The following TUSC3 variants were observed in gnomAD, a reference collection of about 807,000 sequenced individuals.
TUSC3 encodes dolichyl-diphosphooligosaccharide--protein glycosyltransferase subunit TUSC3.
In TUSC3, 45 loss-of-function variants were observed where a neutral mutation model predicts 44.8. The observed-to-expected ratio is 1.00, with a 90% CI of 0.79 to 1.29. The LOEUF is 1.29. Among genes scored for constraint, TUSC3 ranks in the 50% most tolerant of loss-of-function variants. The probability of loss-of-function intolerance (pLI) is 0.00; values close to 1 mark genes in which losing one functional copy is unlikely to be tolerated. For missense variants in TUSC3, 519 were observed against 437.9 expected (o/e 1.19, Z -1.65); for synonymous variants, 212 against 152.9 (o/e 1.39, Z -2.85).
At chr8:15,560,712 CTTTT>C (rs973143470) in intron 1 of TUSC3, among the ~76,000 whole-genome samples, 1 of 114,392 alleles carries the variant, frequency 8.7e-6, no homozygotes. Context: ...TCTTTTTATT[CTTTT>C]TTCTCTAAAC....
At chr8:15,526,994 G>C (rs924748075) in intron 2 of TUSC3, among the ~76,000 whole-genome samples, 1 of 152,128 alleles carries the variant, frequency 6.6e-6, no homozygotes, top group Non-Finnish European at 1.5e-5. Context: ...TTCAAATTTT[G>C]TTGTGAATTC....
chr8:15,540,702 G>A (rs1055677593), intron 1 of TUSC3, 134 bp downstream of exon 1: 5 of 1,267,038 alleles, frequency 3.9e-6, no homozygotes, highest in Non-Finnish European at 4.2e-6. Flanking sequence ...GGCGGGAGCC[G>A]CGAGGGTGGG....
the TUSC3 span, chr8:15,806,768 T>C: frequency 1.3e-6 from 1 of 789,652 alleles, no homozygotes; most frequent in East Asian, 2.5e-5. Context: ...GCCACCTGCA[T>C]TCTGAATTCA....
At chr8:15,692,272 G>C (rs148364195) in intron 6 of TUSC3, among the ~76,000 whole-genome samples, 88 of 149,268 alleles carry the variant, frequency 5.9e-4, no homozygotes, top group African/African-American at 2.1e-3. Flanking sequence ...AAAAATATTG[G>C]CCTACTGTTT....
At chr8:15,716,497 C>G (rs1810065452) in intron 6 of TUSC3, among the ~76,000 whole-genome samples, 1 of 151,750 alleles carries the variant, frequency 6.6e-6, no homozygotes. Flanking sequence ...TTGATAAAAC[C>G]AATTTATGGG....
chr8:15,751,692 A>G (rs927011258), intron 9 of TUSC3, among the ~76,000 whole-genome samples: 11 of 132,144 alleles, frequency 8.3e-5, no homozygotes, highest in Non-Finnish European at 6.7e-5. Flanking sequence ...ACAAGTACCT[A>G]TAAAAGTTAA....
chr8:15,790,049 G>A, the TUSC3 span, among the ~76,000 whole-genome samples: 2 of 152,152 alleles, frequency 1.3e-5, no homozygotes, highest in East Asian at 1.9e-4. Context: ...GTTGGCAGCC[G>A]TATTTATACT....
intron 1 of TUSC3, among the ~76,000 whole-genome samples, chr8:15,434,120 A>G (rs1164680120): frequency 6.6e-6 from 1 of 152,180 alleles, no homozygotes. Context: ...GCTAATCCTT[A>G]GTATTATCAA....
intron 6 of TUSC3, among the ~76,000 whole-genome samples, chr8:15,705,278 G>C (rs1184856097): frequency 6.6e-6 from 1 of 151,042 alleles, no homozygotes; most frequent in Non-Finnish European, 1.5e-5. Flanking sequence ...GTTTCACAGT[G>C]GTATATTTGT....
intron 6 of TUSC3, among the ~76,000 whole-genome samples, chr8:15,728,696 T>G (rs1585274408): frequency 6.6e-6 from 1 of 152,148 alleles, no homozygotes; most frequent in Non-Finnish European, 1.5e-5. Context: ...TAGATACTAA[T>G]GTGAGAATCA....
At chr8:15,605,644 A>C (rs757459761) in intron 1 of TUSC3, among the ~76,000 whole-genome samples, 1 of 152,124 alleles carries the variant, frequency 6.6e-6, no homozygotes. Context: ...TCAAGAGGGC[A>C]TAAAATGTAT....
intron 10 of TUSC3, among the ~76,000 whole-genome samples, chr8:15,762,556 A>G (rs531439195): frequency 3.3e-5 from 5 of 152,250 alleles, no homozygotes; most frequent in African/African-American, 1.2e-4. Flanking sequence ...CAGGGGTAAT[A>G]TCGTTAGCAG....
At chr8:15,825,377 G>C in the TUSC3 span, among the ~76,000 whole-genome samples, 1 of 152,116 alleles carries the variant, frequency 6.6e-6, no homozygotes, top group South Asian at 2.1e-4. Flanking sequence ...GCAGGCAAGA[G>C]GACGTGTGCA....
chr8:15,438,416 A>C (rs570605695), intron 1 of TUSC3, among the ~76,000 whole-genome samples: 18 of 152,104 alleles, frequency 1.2e-4, no homozygotes, highest in Admixed American at 3.9e-4. Context: ...GTGTTATAGG[A>C]GATGCTGCAT....
Position 15,757,799 on chromosome 8 carries a change from A to T in TUSC3, c.1037A>T (p.Asp346Val). The T allele has an allele frequency of 6.9e-7, 1 of 1,443,072 alleles. No homozygotes were observed. The highest frequency in any genetic ancestry group is 1.1e-5 in the South Asian group (1 of 87,530). 89.4% of individuals were successfully genotyped at this position (1,443,072 alleles called of 1,614,324 possible). Reference sequence around the variant, plus strand: ...TGTGGTGTATTGGAAAGTGATCTGGACTTTGAGTGAGAAGATGTGATTTGG... The same window carrying T: ...TGTGGTGTATTGGAAAGTGATCTGGTCTTTGAGTGAGAAGATGTGATTTGG... ...KYHGYPYSDL[D>V]FE The change falls in exon 10 of 11, where the codon GAC becomes GTC. Residue 346 changes from aspartate to valine, a missense_variant. Asp to Val is a radical substitution (Grantham distance 152). Coordinates refer to ENST00000503731, the MANE Select transcript of TUSC3 (RefSeq NM_006765.4).
At chr8:15,495,793 C>T (rs1415652802) in intron 2 of TUSC3, among the ~76,000 whole-genome samples, 1 of 152,056 alleles carries the variant, frequency 6.6e-6, no homozygotes, top group Non-Finnish European at 1.5e-5. Flanking sequence ...AGATCATAGG[C>T]TTATATTGGA....
intron 1 of TUSC3, among the ~76,000 whole-genome samples, chr8:15,427,761 G>A (rs1243522987): frequency 1.3e-5 from 2 of 152,100 alleles, no homozygotes; most frequent in African/African-American, 4.8e-5. Flanking sequence ...ACTGCTAACA[G>A]CCACACTTGT....
intron 1 of TUSC3, among the ~76,000 whole-genome samples, chr8:15,461,331 C>T (rs1800341905): frequency 6.6e-6 from 1 of 151,938 alleles, no homozygotes; most frequent in African/African-American, 2.4e-5. Context: ...TGACTTGATT[C>T]TCTGCTTGGT....
At chr8:15,500,786 C>T (rs1800951581) in intron 2 of TUSC3, among the ~76,000 whole-genome samples, 1 of 151,928 alleles carries the variant, frequency 6.6e-6, no homozygotes, top group Non-Finnish European at 1.5e-5. Context: ...TTGAAAAGTC[C>T]CATGATTTAT....
Sources: gnomAD v4.1 joint callset for allele counts (sites outside exome capture counted in the v4.1 genomes callset) on GRCh38, gnomAD v4.1.1 for gene constraint, MANE v1.5 for transcripts, NCBI Gene and HGNC (gene_info 2026-07-23, HGNC 2026-07-21) for gene names.